SH2D4A: variants seen among roughly 807,000 people sequenced by gnomAD.
SH2D4A encodes SH2 domain-containing protein 4A.
Under a neutral mutation model 64.7 loss-of-function variants are expected in SH2D4A, and 70 were observed. That is an observed-to-expected ratio of 1.08 (90% CI 0.89 to 1.32). SH2D4A has a LOEUF of 1.32. SH2D4A is among the 40% of genes most tolerant of loss of function. SH2D4A has a pLI of 0.00. For missense variants in SH2D4A, 706 were observed against 540.1 expected (o/e 1.31, Z -3.04); for synonymous variants, 268 against 200.7 (o/e 1.34, Z -2.83).
chr8:19,353,684 T>G (rs1051244545), intron 4 of SH2D4A, among the ~76,000 whole-genome samples: 1 of 147,884 alleles, frequency 6.8e-6, no homozygotes, highest in Non-Finnish European at 1.5e-5. Context: ...GTTTTTTTTT[T>G]TTTTTTTTTT....
At position 19,319,533 on chromosome 8, in the gene SH2D4A, T is replaced by C; in HGVS notation, c.-15T>C. 6.7e-7 allele frequency: 1 copy of C among 1,493,890 alleles called. No homozygotes were observed. The highest frequency in any genetic ancestry group is 1.4e-5 in the South Asian group (1 of 71,584). 92.5% of individuals were successfully genotyped at this position (1,493,890 alleles called of 1,614,324 possible). A position where few individuals can be genotyped will look rare whatever the true frequency, so the allele number is the denominator to read the frequency against. ...AACTTTTGCCACAAGTATAAAAGAC[T>C]TCAGAAGTGCAAAGATGCTGAAACA... On this transcript the variant is annotated 5_prime_UTR_variant, in exon 2 of 10. Transcript: ENST00000265807.
At position 19,340,609 on chromosome 8, in the gene SH2D4A, T is replaced by C. The variant is rs1339047192; in HGVS notation, c.513+5752T>C. Among the ~76,000 whole-genome samples, 353 of 146,406 alleles carry C rather than the reference T, an allele frequency of 2.4e-3. 1 individual carries two copies. Among genetic ancestry groups the C allele is most frequent in the African/African-American group, 8.5e-3 (339 of 39,820 alleles). ...CTTTTCTTTCTTTCTTTCTTTTTTT[T>C]TTTTTTTTTTTTTTGAGACAGGGTC... On this transcript the variant is annotated intron_variant, in intron 4 of 9. Transcript: ENST00000265807.
intron 8 of SH2D4A, among the ~76,000 whole-genome samples, chr8:19,390,546 C>G (rs1461908129): frequency 6.6e-6 from 1 of 152,156 alleles, no homozygotes; most frequent in African/African-American, 2.4e-5. Flanking sequence ...GGATTCATGA[C>G]AAACTGTACA....
At chr8:19,363,769 CT>C in intron 6 of SH2D4A, 1 of 399,066 alleles carries the variant, frequency 2.5e-6, no homozygotes, top group South Asian at 2.5e-5. Context: ...CTCACTTGGT[CT>C]TGCCAACTGC....
chr8:19,384,922 G>A (rs1420618004), intron 8 of SH2D4A, among the ~76,000 whole-genome samples: 1 of 152,146 alleles, frequency 6.6e-6, no homozygotes, highest in Non-Finnish European at 1.5e-5. Flanking sequence ...GTATAAACAA[G>A]TTTATGATTT....
intron 1 of SH2D4A, chr8:19,314,055 TCCGG>T (rs2052043529): frequency 1.8e-6 from 2 of 1,101,016 alleles, no homozygotes; most frequent in South Asian, 4.0e-5. Flanking sequence ...GTGTCCGGTG[TCCGG>T]TGTCTGGAGC....
At chr8:19,367,055 C>T (rs2053009502) in intron 7 of SH2D4A, among the ~76,000 whole-genome samples, 1 of 152,046 alleles carries the variant, frequency 6.6e-6, no homozygotes, top group African/African-American at 2.4e-5. Context: ...AGATTCTCAC[C>T]AGCAATTTTT....
chr8:19,379,424 C>T (rs534561554), intron 8 of SH2D4A, among the ~76,000 whole-genome samples: 1 of 152,188 alleles, frequency 6.6e-6, no homozygotes, highest in Non-Finnish European at 1.5e-5. Flanking sequence ...TCTGTTGATG[C>T]ACTCTTGAGT....
intron 5 of SH2D4A, among the ~76,000 whole-genome samples, chr8:19,358,341 GGA>G (rs1480782518): frequency 6.6e-6 from 1 of 152,066 alleles, no homozygotes; most frequent in Non-Finnish European, 1.5e-5. Context: ...ATTCTTCATG[GGA>G]GAGAGAGATG....
intron 4 of SH2D4A, among the ~76,000 whole-genome samples, chr8:19,351,319 CT>C (rs1247676852): frequency 1.3e-5 from 2 of 152,104 alleles, no homozygotes; most frequent in African/African-American, 4.8e-5. Flanking sequence ...GAAACTAGAT[CT>C]CTGCTGGGCA....
chr8:19,332,013 G>T (rs964780568), intron 2 of SH2D4A, among the ~76,000 whole-genome samples: 1 of 151,852 alleles, frequency 6.6e-6, no homozygotes, highest in African/African-American at 2.4e-5. Flanking sequence ...AAATTAGCTG[G>T]GCATGGTAAT....
At chr8:19,373,292 A>ATAAT (rs1563206802) in intron 7 of SH2D4A, among the ~76,000 whole-genome samples, 2 of 147,658 alleles carry the variant, frequency 1.4e-5, no homozygotes, top group Non-Finnish European at 2.9e-5. Flanking sequence ...GGAAATGTGT[A>ATAAT]TAATTCCCTC....
intron 8 of SH2D4A, among the ~76,000 whole-genome samples, chr8:19,386,417 T>C (rs941655324): frequency 1.3e-5 from 2 of 152,352 alleles, no homozygotes; most frequent in Non-Finnish European, 2.9e-5. Context: ...TGTCACTGTG[T>C]TTGCCAGTAA....
At chr8:19,319,265 C>G in intron 1 of SH2D4A, 79 bp from the exon 2 acceptor site, 1 of 957,596 alleles carries the variant, frequency 1.0e-6, no homozygotes, top group Non-Finnish European at 1.3e-6. Flanking sequence ...TTCCTCCTAG[C>G]TTTTTTTTTT....
intron 6 of SH2D4A, 74 bp downstream of exon 6, chr8:19,361,388 T>C: frequency 1.4e-6 from 2 of 1,432,274 alleles, no homozygotes; most frequent in South Asian, 3.2e-5. Context: ...GTGATCAATC[T>C]AGAAAGCGCT....
chr8:19,380,430 T>A (rs775955260), intron 8 of SH2D4A, among the ~76,000 whole-genome samples: 4 of 152,216 alleles, frequency 2.6e-5, no homozygotes, highest in Non-Finnish European at 5.9e-5. Flanking sequence ...TGGTGTCATA[T>A]CTAAGAAATC....
At chr8:19,372,924 GAAGAGAA>G (rs2053128378) in intron 7 of SH2D4A, among the ~76,000 whole-genome samples, 1 of 151,846 alleles carries the variant, frequency 6.6e-6, no homozygotes, top group Non-Finnish European at 1.5e-5. Context: ...AGTGGAAAGA[GAAGAGAA>G]AATCAAATAA....
chr8:19,378,299 T>A (rs900299253), intron 8 of SH2D4A, among the ~76,000 whole-genome samples: 1 of 152,234 alleles, frequency 6.6e-6, no homozygotes, highest in Non-Finnish European at 1.5e-5. Flanking sequence ...TTAGCTATTT[T>A]TCCTTTATAG....
intron 6 of SH2D4A, chr8:19,363,845 C>A: frequency 1.8e-6 from 1 of 547,678 alleles, no homozygotes. Flanking sequence ...CCTTTTCTCT[C>A]CCTCTCAGAA....
Sources: allele counts gnomAD v4.1 joint callset (sites outside exome capture counted in the v4.1 genomes callset), GRCh38; gene constraint gnomAD v4.1.1; transcripts MANE v1.5; gene names NCBI Gene and HGNC (gene_info 2026-07-23, HGNC 2026-07-21).